Variants in CDC14B observed in about 807,000 individuals in gnomAD.
The protein encoded by CDC14B is dual specificity protein phosphatase CDC14B.
CDC14B carries 22 observed loss-of-function variants against 64.2 expected under a neutral mutation model. The ratio of observed to expected loss-of-function variants is 0.34; its 90% CI spans 0.24 to 0.49. The LOEUF is 0.49. Among genes scored for constraint, CDC14B ranks in the 20% least tolerant of loss-of-function variants. The probability of loss-of-function intolerance (pLI) is 0.99; values close to 1 mark genes in which losing one functional copy is unlikely to be tolerated. For missense variants in CDC14B, 498 were observed against 629.9 expected, an observed-to-expected ratio of 0.79 and a Z score of 2.24; for synonymous variants, 191 against 215.8, an observed-to-expected ratio of 0.89 and a Z score of 1.01.
chr9:96,580,335 G>A (rs149983850), intron 1 of CDC14B, among the ~76,000 whole-genome samples: 2,565 of 151,642 alleles, frequency 0.017, 74 homozygotes, highest in African/African-American at 0.059. Flanking sequence ...AGGTTCAAGC[G>A]ATTCTCCTGC....
intron 7 of CDC14B, among the ~76,000 whole-genome samples, chr9:96,537,499 A>G (rs1839442176): frequency 6.6e-6 from 1 of 152,112 alleles, no homozygotes; most frequent in Non-Finnish European, 1.5e-5. Flanking sequence ...GGCCAGTGAG[A>G]GGCATTCCTG....
At chr9:96,608,211 A>G (rs1216531142) in intron 1 of CDC14B, among the ~76,000 whole-genome samples, 1 of 152,220 alleles carries the variant, frequency 6.6e-6, no homozygotes, top group Non-Finnish European at 1.5e-5. Flanking sequence ...GCACTCAAAC[A>G]TGTCTGGATT....
intron 12 of CDC14B, among the ~76,000 whole-genome samples, chr9:96,517,916 G>A (rs1436817767): frequency 6.6e-6 from 1 of 151,462 alleles, no homozygotes; most frequent in African/African-American, 2.4e-5. Flanking sequence ...AAGTGATCCT[G>A]CTGCCTTGAA....
chr9:96,587,287 CTCTG>C (rs1345339212), intron 1 of CDC14B, among the ~76,000 whole-genome samples: 3 of 152,220 alleles, frequency 2.0e-5, no homozygotes, highest in African/African-American at 4.8e-5. Flanking sequence ...TCTCTATCTG[CTCTG>C]TCTAATACAG....
At chr9:96,561,930 G>T (rs1006401790) in intron 4 of CDC14B, among the ~76,000 whole-genome samples, 5 of 152,156 alleles carry the variant, frequency 3.3e-5, no homozygotes, top group Admixed American at 6.5e-5. Flanking sequence ...TAGTACTCTG[G>T]AGGAGCTCTA....
chr9:96,616,109 C>T (rs894354424), intron 1 of CDC14B, among the ~76,000 whole-genome samples: 1 of 151,716 alleles, frequency 6.6e-6, no homozygotes, highest in African/African-American at 2.4e-5. Context: ...GGGGGGATCA[C>T]GAAGTCAGGA....
intron 9 of CDC14B, among the ~76,000 whole-genome samples, chr9:96,526,646 T>C (rs956404060): frequency 6.6e-6 from 1 of 152,228 alleles, no homozygotes; most frequent in African/African-American, 2.4e-5. Context: ...TCATTTTTCT[T>C]CCCTAAACAA....
rs189395030 is a variant in CDC14B at position 96,617,201 on chromosome 9, T to A, written c.160+2018A>T. Among the ~76,000 whole-genome samples, 583 of 150,204 alleles carry A rather than the reference T, an allele frequency of 3.9e-3. 6 individuals carry two copies. Among genetic ancestry groups the A allele is most frequent in the African/African-American group, 0.013 (522 of 39,724 alleles). The stretch of plus-strand genomic sequence containing the variant: ...GGAAGGGGACCAGAGCGGGTTGCCC[T>A]CTGATAGCATTTTTATTTCCTGTAA... On this transcript the variant is annotated intron_variant, in intron 1 of 13. Coordinates refer to ENST00000375241, the MANE Select transcript of CDC14B (RefSeq NM_033331.4).
chr9:96,496,332 G>A, downstream of CDC14B: 1 of 516,486 alleles, frequency 1.9e-6, no homozygotes, highest in South Asian at 1.4e-5. Context: ...GGTCTAGAAA[G>A]GTGACAGCCT....
chr9:96,592,371 C>T (rs1017098327), intron 1 of CDC14B, among the ~76,000 whole-genome samples: 3 of 152,232 alleles, frequency 2.0e-5, no homozygotes, highest in Non-Finnish European at 4.4e-5. Flanking sequence ...AACCACCGCA[C>T]CCAGCCAAAA....
At chr9:96,534,708 T>C (rs1839027283) in intron 7 of CDC14B, among the ~76,000 whole-genome samples, 166 bp from the exon 8 acceptor site, 2 of 152,224 alleles carry the variant, frequency 1.3e-5, no homozygotes, top group Non-Finnish European at 2.9e-5. Context: ...TATAAGTATA[T>C]CTAGGGAATG....
At chr9:96,567,468 G>T (rs1420070298) in intron 1 of CDC14B, among the ~76,000 whole-genome samples, 2 of 152,250 alleles carry the variant, frequency 1.3e-5, no homozygotes, top group African/African-American at 4.8e-5. Flanking sequence ...TGGGAAACGG[G>T]CATCTTCAAA....
At chr9:96,612,974 T>C (rs191463406) in intron 1 of CDC14B, among the ~76,000 whole-genome samples, 45 of 152,322 alleles carry the variant, frequency 3.0e-4, no homozygotes, top group Admixed American at 9.2e-4. Flanking sequence ...TCAAATTCAG[T>C]AGGTAATTAT....
intron 4 of CDC14B, among the ~76,000 whole-genome samples, chr9:96,560,852 T>G (rs943296201): frequency 6.6e-6 from 1 of 151,980 alleles, no homozygotes; most frequent in Non-Finnish European, 1.5e-5. Flanking sequence ...TGGGAAAGCT[T>G]ATGAAACCAA....
At chr9:96,531,381 A>T (rs946363109) in intron 9 of CDC14B, among the ~76,000 whole-genome samples, 19 of 151,948 alleles carry the variant, frequency 1.3e-4, no homozygotes, top group Admixed American at 6.6e-5. Context: ...TTTTTCTAGG[A>T]ATTTGTCCAT....
chr9:96,514,627 T>C, intron 12 of CDC14B: 2 of 985,394 alleles, frequency 2.0e-6, no homozygotes, highest in Non-Finnish European at 2.4e-6. Context: ...TTGGAAGAGA[T>C]CTTGCAAGGA....
At chr9:96,598,136 G>C (rs890479455) in intron 1 of CDC14B, among the ~76,000 whole-genome samples, 1 of 152,102 alleles carries the variant, frequency 6.6e-6, no homozygotes, top group Non-Finnish European at 1.5e-5. Context: ...CACTAATACT[G>C]AAAGAGCCTA....
Position 96,515,527 on chromosome 9 carries a change from G to C in CDC14B, c.1344-5738C>G. 1 of 976,942 alleles carries C rather than the reference G, an allele frequency of 1.0e-6. No homozygotes were observed. Among genetic ancestry groups the C allele is most frequent in the Non-Finnish European group, 1.4e-6 (1 of 695,350 alleles). 60.5% of individuals were successfully genotyped at this position (976,942 alleles called of 1,614,324 possible). ...CATTAATTGAAAAGATTCAGAAAAA[G>C]AACCTTTGAAAATAGGCAAACCAAC... On this transcript the variant is annotated intron_variant, in intron 12 of 13. Transcript: ENST00000375241. This position sits in a 1 kb window ranked among gnomAD's most constrained non-coding sequence, Gnocchi z 4.3.
chr9:96,494,240 G>T (rs1356876235), intron 13 of CDC14B, among the ~76,000 whole-genome samples: 1 of 152,226 alleles, frequency 6.6e-6, no homozygotes, highest in African/African-American at 2.4e-5. Context: ...CCAGTGAAAG[G>T]ACTAGTCCCT....
Sources: allele counts gnomAD v4.1 joint callset (sites outside exome capture counted in the v4.1 genomes callset), GRCh38; gene constraint gnomAD v4.1.1; non-coding constraint Gnocchi (gnomAD v3.1); transcripts MANE v1.5; gene names NCBI Gene and HGNC (gene_info 2026-07-23, HGNC 2026-07-21).